DISP1: variants seen among roughly 807,000 people sequenced by gnomAD.
DISP1 encodes the protein dispatched RND transporter family member 1, also known as protein dispatched homolog 1.
A neutral mutation model predicts 37.3 loss-of-function variants in DISP1; 30 were observed. That is an observed-to-expected ratio of 0.80 (90% CI 0.60 to 1.09). DISP1 has a LOEUF of 1.09. Ranked by LOEUF, DISP1 falls within the 50% of genes least tolerant of loss-of-function variation. The pLI is 0.00. For synonymous variants in DISP1, 634 were observed against 690.2 expected (o/e 0.92, Z 1.28); for missense variants, 1,598 against 1,879.5 (o/e 0.85, Z 2.77).
intron 1 of DISP1, among the ~76,000 whole-genome samples, chr1:222,867,239 A>G (rs1177340752): frequency 6.6e-6 from 1 of 152,196 alleles, no homozygotes; most frequent in Non-Finnish European, 1.5e-5. Flanking sequence ...AACATTTACT[A>G]CATTTTTAAA....
intron 8 of DISP1, among the ~76,000 whole-genome samples, chr1:222,997,048 CTCTA>C (rs1679125630): frequency 3.4e-5 from 5 of 148,070 alleles, no homozygotes; most frequent in Admixed American, 6.7e-5. Flanking sequence ...CTCTCTCTCT[CTCTA>C]TATATATATA....
chr1:222,875,566 C>T (rs974375631), intron 1 of DISP1, among the ~76,000 whole-genome samples: 2 of 149,904 alleles, frequency 1.3e-5, no homozygotes, highest in Non-Finnish European at 3.0e-5. Flanking sequence ...TGCCTGTAAT[C>T]CTAGCACTTT....
chr1:222,828,691 G>C, intron 1 of DISP1, among the ~76,000 whole-genome samples: 1 of 152,056 alleles, frequency 6.6e-6, no homozygotes, highest in African/African-American at 2.4e-5. Context: ...CTCCCCATCA[G>C]GTTCATTCCA....
intron 3 of DISP1, among the ~76,000 whole-genome samples, chr1:222,952,401 A>G (rs1159889691): frequency 6.6e-6 from 1 of 152,200 alleles, no homozygotes; most frequent in Non-Finnish European, 1.5e-5. Flanking sequence ...TTCAATGTCC[A>G]TGGCAGCAAA....
Position 222,936,861 on chromosome 1 carries a change from T to A in DISP1, c.-17-5946T>A, listed in dbSNP as rs373002043. Reference sequence around the variant, plus strand: ...TATATATCATATATATGATATATAATTTATATATCATATATATGATATATA... The same window carrying A: ...TATATATCATATATATGATATATAAATTATATATCATATATATGATATATA... On this transcript the variant is annotated intron_variant, in intron 2 of 8. Transcript: ENST00000675850. Among the ~76,000 whole-genome samples, 63 of 48,872 alleles carry A rather than the reference T, an allele frequency of 1.3e-3. 2 individuals are homozygous for A. Among genetic ancestry groups the A allele is most frequent in the Non-Finnish European group, 1.6e-3 (43 of 26,914 alleles). The allele number at this position is 48,872 out of a possible 152,430, so 32.1% of individuals were successfully genotyped here.
chr1:222,981,339 A>T (rs1295199082), intron 3 of DISP1, among the ~76,000 whole-genome samples: 2 of 152,186 alleles, frequency 1.3e-5, no homozygotes, highest in Non-Finnish European at 2.9e-5. Context: ...CATCTCTAAA[A>T]ATGAGGCTGC....
At chr1:222,878,385 A>G (rs1670088436) in intron 1 of DISP1, among the ~76,000 whole-genome samples, 1 of 152,208 alleles carries the variant, frequency 6.6e-6, no homozygotes, top group Admixed American at 6.5e-5. Flanking sequence ...ATGGTTATAC[A>G]CAAAGTTAAA....
chr1:222,891,838 C>A (rs1264085594), intron 1 of DISP1, among the ~76,000 whole-genome samples: 1 of 151,352 alleles, frequency 6.6e-6, no homozygotes, highest in Non-Finnish European at 1.5e-5. Flanking sequence ...GAGTAAAAGG[C>A]CAATGGAGAA....
chr1:222,937,379 T>C (rs1674026833), intron 2 of DISP1, among the ~76,000 whole-genome samples: 6 of 152,012 alleles, frequency 3.9e-5, no homozygotes, highest in Admixed American at 3.3e-4. Context: ...CGTGAGCCAC[T>C]GCGCCCTGCC....
chr1:222,920,976 T>C (rs1219146409), intron 1 of DISP1, among the ~76,000 whole-genome samples: 1 of 152,206 alleles, frequency 6.6e-6, no homozygotes, highest in Non-Finnish European at 1.5e-5. Context: ...GATTCACTTA[T>C]TTCTAAGACA....
At chr1:222,916,048 C>T (rs900255309) in intron 1 of DISP1, among the ~76,000 whole-genome samples, 4 of 152,168 alleles carry the variant, frequency 2.6e-5, no homozygotes, top group Non-Finnish European at 5.9e-5. Context: ...TGAGAATTCA[C>T]TTTAAATATT....
Position 222,942,836 on chromosome 1 carries a change from A to T in DISP1, c.13A>T (p.Asn5Tyr), listed in dbSNP as rs986990435. 15 of 1,614,152 alleles carry T rather than the reference A, an allele frequency of 9.3e-6. No homozygotes were observed. Among genetic ancestry groups the T allele is most frequent in the Non-Finnish European group, 1.2e-5 (14 of 1,180,030 alleles). The stretch of plus-strand genomic sequence containing the variant: ...AAGAAATTGGAGCATGGCTATGAGC[A>T]ATGGAAACAATGATTTTGTGGTTCT... MAMS[N>Y]GNNDFVVLSN... Residue 5 changes from asparagine to tyrosine, a missense_variant, in exon 3 of 9, where the codon AAT becomes TAT. Coordinates refer to ENST00000675850, the MANE Select transcript of DISP1 (RefSeq NM_001377229.1).
intron 1 of DISP1, among the ~76,000 whole-genome samples, chr1:222,820,314 C>T (rs1662517287): frequency 6.6e-6 from 1 of 152,146 alleles, no homozygotes; most frequent in Non-Finnish European, 1.5e-5. Context: ...ACTTGGGGCA[C>T]ATAGTGACGT....
chr1:222,989,307 G>T (rs1678514541), intron 4 of DISP1: 1 of 918,570 alleles, frequency 1.1e-6, no homozygotes, highest in African/African-American at 1.8e-5. Context: ...GAATTTGAGA[G>T]TAGTGGTCCA....
intron 1 of DISP1, among the ~76,000 whole-genome samples, chr1:222,824,591 T>C (rs1663817425): frequency 6.6e-6 from 1 of 152,198 alleles, no homozygotes; most frequent in Non-Finnish European, 1.5e-5. Flanking sequence ...TTTGTTCCAC[T>C]TTAAGTATTT....
chr1:222,983,212 T>C, intron 4 of DISP1, 103 bp downstream of exon 4: 1 of 935,478 alleles, frequency 1.1e-6, no homozygotes, highest in Non-Finnish European at 1.7e-6. Flanking sequence ...CTTTCCTCAT[T>C]CATATTTTTA....
At chr1:222,923,004 T>C (rs1672891200) in intron 1 of DISP1, among the ~76,000 whole-genome samples, 1 of 151,988 alleles carries the variant, frequency 6.6e-6, no homozygotes, top group Non-Finnish European at 1.5e-5. Context: ...TATTAGATGG[T>C]AGTTAAGATT....
intron 4 of DISP1, among the ~76,000 whole-genome samples, chr1:222,984,439 G>T (rs148371606): frequency 0.089 from 10,363 of 115,882 alleles, 854 homozygotes; most frequent in East Asian, 0.18. Flanking sequence ...TATATATAGA[G>T]AGAGAGAGAG....
chr1:222,953,223 A>C (rs908248510), intron 3 of DISP1, among the ~76,000 whole-genome samples: 2 of 152,110 alleles, frequency 1.3e-5, no homozygotes, highest in African/African-American at 4.8e-5. Context: ...AACAGTAGCT[A>C]TTTTGCACTT....
Sources: gnomAD v4.1 joint callset for allele counts (sites outside exome capture counted in the v4.1 genomes callset) on GRCh38, gnomAD v4.1.1 for gene constraint, MANE v1.5 for transcripts, NCBI Gene and HGNC (gene_info 2026-07-23, HGNC 2026-07-21) for gene names.